Variants in HRH1 observed in about 807,000 individuals in gnomAD.
The protein encoded by HRH1 is histamine receptor H1, also known as histamine H1 receptor.
Under a neutral mutation model 10.3 loss-of-function variants are expected in HRH1, and 6 were observed. The ratio of observed to expected loss-of-function variants is 0.58; its 90% CI spans 0.32 to 1.15. HRH1 has a LOEUF of 1.15. Among genes scored for constraint, HRH1 ranks in the 50% most tolerant of loss-of-function variants. The pLI is 0.05. For missense variants in HRH1, 514 were observed against 615.3 expected (o/e 0.84, Z 1.74); for synonymous variants, 242 against 236.7 (o/e 1.02, Z -0.21).
At chr3:11,256,478 G>T (rs996600235) in intron 1 of HRH1, among the ~76,000 whole-genome samples, 3 of 152,086 alleles carry the variant, frequency 2.0e-5, no homozygotes, top group African/African-American at 7.2e-5. Context: ...TTGGGGTTTT[G>T]ATTTTTATCT....
rs1198281553 is a variant in HRH1 at position 11,261,990 on chromosome 3, C to T, written c.*1489C>T. ...TCCCGTGCACCTACGGAAGGGGACG[C>T]TTTGAAGGAACCAAGTGCATTTTTA... On this transcript the variant is annotated 3_prime_UTR_variant, in exon 2 of 2. Coordinates refer to ENST00000431010, the MANE Select transcript of HRH1 (RefSeq NM_001098212.2). 1 of 167,036 alleles carries T rather than the reference C, an allele frequency of 6.0e-6. No homozygotes were observed. The highest frequency in any genetic ancestry group is 1.5e-5 in the Non-Finnish European group (1 of 68,112). 10.3% of individuals were successfully genotyped at this position (167,036 alleles called of 1,614,324 possible). A position where few individuals can be genotyped will look rare whatever the true frequency, so the allele number is the denominator to read the frequency against.
intron 1 of HRH1, among the ~76,000 whole-genome samples, chr3:11,209,623 A>G (rs1938257087): frequency 6.6e-6 from 1 of 152,190 alleles, no homozygotes; most frequent in Admixed American, 6.5e-5. Flanking sequence ...AACAGCAAAC[A>G]TTGATTTCTC....
chr3:11,185,788 G>A (rs1208488748), intron 1 of HRH1, among the ~76,000 whole-genome samples: 3 of 152,176 alleles, frequency 2.0e-5, no homozygotes, highest in African/African-American at 4.8e-5. Flanking sequence ...TGGTGCACAT[G>A]TGTGGAGGAG....
chr3:11,190,233 C>G (rs1003993985), intron 1 of HRH1, among the ~76,000 whole-genome samples: 2 of 151,386 alleles, frequency 1.3e-5, no homozygotes, highest in African/African-American at 4.9e-5. Context: ...CTGACTAGTC[C>G]GGGTGTGGTG....
chr3:11,185,845 CGTT>C (rs1169281691), intron 1 of HRH1, among the ~76,000 whole-genome samples: 4 of 152,234 alleles, frequency 2.6e-5, no homozygotes, highest in Admixed American at 6.5e-5. Flanking sequence ...GGCACTCAGA[CGTT>C]GTTTACGGTA....
chr3:11,138,989 C>CTTT (rs35542980), intron 1 of HRH1, among the ~76,000 whole-genome samples: 12 of 140,100 alleles, frequency 8.6e-5, no homozygotes, highest in African/African-American at 2.9e-4. Context: ...CTGCATTGTT[C>CTTT]TTTTTTTTTT....
intron 1 of HRH1, among the ~76,000 whole-genome samples, chr3:11,186,503 T>G (rs536212674): frequency 1.3e-5 from 2 of 152,330 alleles, no homozygotes; most frequent in East Asian, 3.9e-4. Context: ...GTGAGCTAAC[T>G]AACCCAAGAG....
intron 1 of HRH1, among the ~76,000 whole-genome samples, chr3:11,142,629 A>C (rs1047307457): frequency 1.1e-4 from 17 of 152,372 alleles, no homozygotes; most frequent in Admixed American, 9.1e-4. Flanking sequence ...AGACTGAATG[A>C]TGAAGCCAGG....
intron 1 of HRH1, among the ~76,000 whole-genome samples, chr3:11,171,503 C>T (rs1937151078): frequency 6.6e-6 from 1 of 152,146 alleles, no homozygotes; most frequent in African/African-American, 2.4e-5. Context: ...GACTCAGGAG[C>T]TTTTTTTAAG....
At chr3:11,146,367 G>A (rs1683882639) in intron 1 of HRH1, among the ~76,000 whole-genome samples, 1 of 152,118 alleles carries the variant, frequency 6.6e-6, no homozygotes, top group African/African-American at 2.4e-5. Flanking sequence ...GTCCTTTTCT[G>A]GCTTTGTAGA....
chr3:11,148,445 A>G (rs150391814), intron 1 of HRH1, among the ~76,000 whole-genome samples: 52 of 152,332 alleles, frequency 3.4e-4, no homozygotes, highest in Non-Finnish European at 6.2e-4. Flanking sequence ...TCATGTAAAA[A>G]AAAAGTATGG....
upstream of HRH1, among the ~76,000 whole-genome samples, chr3:11,154,072 T>C (rs944462562): frequency 2.6e-5 from 4 of 152,206 alleles, no homozygotes; most frequent in East Asian, 1.9e-4. This position sits in a 1 kb window ranked among gnomAD's most constrained non-coding sequence, Gnocchi z 4.4. Context: ...CATCGTTTCA[T>C]CTCTATTTCC....
chr3:11,137,926 A>C (rs1442526922), intron 1 of HRH1, among the ~76,000 whole-genome samples: 1 of 152,128 alleles, frequency 6.6e-6, no homozygotes, highest in Non-Finnish European at 1.5e-5. Flanking sequence ...CCCCAGTGTA[A>C]ATTAGAAAAA....
At chr3:11,188,027 C>T (rs1044354795) in intron 1 of HRH1, among the ~76,000 whole-genome samples, 1 of 152,094 alleles carries the variant, frequency 6.6e-6, no homozygotes, top group African/African-American at 2.4e-5. Flanking sequence ...GGATGTTGTT[C>T]AAGCCAAGTC....
At chr3:11,161,351 AT>A (rs1353437712) in intron 1 of HRH1, among the ~76,000 whole-genome samples, 2 of 152,010 alleles carry the variant, frequency 1.3e-5, no homozygotes, top group Non-Finnish European at 2.9e-5. Flanking sequence ...TGTTCCTTTT[AT>A]TTACTTGCTA....
chr3:11,140,374 T>C lies in HRH1; in HGVS notation c.-36+2975T>C, dbSNP rs927932909. 2.6e-5 allele frequency among the ~76,000 whole-genome samples: 4 copies of C among 151,994 alleles called. No homozygotes were observed. The East Asian group carries it at 5.8e-4, about 22-fold the overall frequency. ...GCGTGGCAGTTGACTTTGGCCCCAA[T>C]ACCAAGACCTCTCATTCTGCACACA... On this transcript the variant is annotated intron_variant, in intron 1 of 1. Transcript: ENST00000438284.
intron 1 of HRH1, among the ~76,000 whole-genome samples, chr3:11,189,565 G>A (rs1043404031): frequency 6.6e-6 from 1 of 152,082 alleles, no homozygotes; most frequent in African/African-American, 2.4e-5. Flanking sequence ...TTGTTTTGCT[G>A]AGACAAAAGT....
At chr3:11,250,519 A>G (rs1013447054) in intron 1 of HRH1, among the ~76,000 whole-genome samples, 1 of 151,848 alleles carries the variant, frequency 6.6e-6, no homozygotes, top group Admixed American at 6.6e-5. Flanking sequence ...CCCTCTTTCC[A>G]ACTTCTGATA....
chr3:11,155,431 G>A (rs1936765391), intron 1 of HRH1, among the ~76,000 whole-genome samples: 1 of 152,198 alleles, frequency 6.6e-6, no homozygotes, highest in South Asian at 2.1e-4. Flanking sequence ...GAGTACAGCA[G>A]CTCCTCAAGG....
Sources: allele counts gnomAD v4.1 joint callset (sites outside exome capture counted in the v4.1 genomes callset), GRCh38; gene constraint gnomAD v4.1.1; non-coding constraint Gnocchi (gnomAD v3.1); transcripts MANE v1.5; gene names NCBI Gene and HGNC (gene_info 2026-07-23, HGNC 2026-07-21).